Variants in KDM4C observed in about 807,000 individuals in gnomAD.
KDM4C encodes the protein lysine-specific demethylase 4C.
In KDM4C, 81 loss-of-function variants were observed where a neutral mutation model predicts 129.3. The observed-to-expected ratio is 0.63, with a 90% CI of 0.52 to 0.75. KDM4C has a LOEUF of 0.75. Ranked by LOEUF, KDM4C falls within the 30% of genes least tolerant of loss-of-function variation. KDM4C has a pLI of 0.00. For missense variants in KDM4C, 1,457 were observed against 1,304.0 expected, an observed-to-expected ratio of 1.12 and a Z score of -1.81; for synonymous variants, 573 against 456.1, an observed-to-expected ratio of 1.26 and a Z score of -3.26.
At chr9:6,833,362 C>A (rs181601453) in intron 4 of KDM4C, among the ~76,000 whole-genome samples, 19 of 152,022 alleles carry the variant, frequency 1.2e-4, no homozygotes, top group Admixed American at 3.9e-4. Flanking sequence ...AATGTAGTTA[C>A]CAAAGTACTG....
At chr9:6,939,976 ACCTTCCTTCCTTCCTTCCTTCCTT>A (rs1186438155) in intron 8 of KDM4C, among the ~76,000 whole-genome samples, 4 of 93,480 alleles carry the variant, frequency 4.3e-5, no homozygotes, top group African/African-American at 1.2e-4. Context: ...CTACCTACCT[ACCTTCCTTCCTTCCTTCCTTCCTT>A]CCTTCCTTCC....
At chr9:6,773,397 TTA>T (rs1275797548) in intron 1 of KDM4C, among the ~76,000 whole-genome samples, 30 of 152,160 alleles carry the variant, frequency 2.0e-4, no homozygotes, top group Admixed American at 1.5e-3. Context: ...ATGTTATAGT[TTA>T]TGATTATTTA....
At chr9:6,837,579 G>C (rs1038038657) in intron 4 of KDM4C, among the ~76,000 whole-genome samples, 1 of 152,092 alleles carries the variant, frequency 6.6e-6, no homozygotes, top group Non-Finnish European at 1.5e-5. Context: ...ATGTGAATTT[G>C]CACCTCTCTG....
chr9:6,937,069 C>G (rs1360565979), intron 8 of KDM4C, among the ~76,000 whole-genome samples: 1 of 151,980 alleles, frequency 6.6e-6, no homozygotes, highest in Non-Finnish European at 1.5e-5. Context: ...AGAGAAATGA[C>G]AAGAAAGGAA....
rs531579692 is a variant in KDM4C, at chr9:7,122,128, G to A, written c.2611-5938G>A. On this transcript the variant is annotated intron_variant, in intron 18 of 21. Coordinates refer to ENST00000381309, the MANE Select transcript of KDM4C (RefSeq NM_015061.6). ...GACTTATGGTTCTGCAGGCTGTATA[G>A]GAAGCATGGATGGGGAGGCCTCAGA... 3.9e-5 allele frequency among the ~76,000 whole-genome samples: 6 copies of A among 152,144 alleles called. No individual in the cohort carries two copies. The South Asian group carries it at 6.2e-4, about 16-fold the overall frequency.
intron 8 of KDM4C, among the ~76,000 whole-genome samples, chr9:6,908,993 G>A (rs1353362510): frequency 8.5e-5 from 13 of 152,230 alleles, no homozygotes. Context: ...GACTCCCTTT[G>A]TCTCTTATTG....
At chr9:7,132,383 T>A (rs1293317799) in intron 19 of KDM4C, among the ~76,000 whole-genome samples, 1 of 152,228 alleles carries the variant, frequency 6.6e-6, no homozygotes, top group East Asian at 1.9e-4. Flanking sequence ...GAGAGAGCAT[T>A]TGGAGCAGTA....
At chr9:6,759,456 C>T (rs923279006) in intron 1 of KDM4C, among the ~76,000 whole-genome samples, 15 of 152,172 alleles carry the variant, frequency 9.9e-5, no homozygotes, top group African/African-American at 3.6e-4. Context: ...ACCTTGCTGG[C>T]CTCCGCGCAA....
chr9:6,861,978 G>A (rs1187321842), intron 5 of KDM4C, among the ~76,000 whole-genome samples: 1 of 151,924 alleles, frequency 6.6e-6, no homozygotes, highest in Non-Finnish European at 1.5e-5. Context: ...TGCCGCGTTG[G>A]CCAGGCTGGT....
chr9:6,879,680 T>C (rs1032225867), intron 5 of KDM4C, among the ~76,000 whole-genome samples: 11 of 152,194 alleles, frequency 7.2e-5, no homozygotes, highest in African/African-American at 2.7e-4. Context: ...GCTGGGGTGC[T>C]ATGAGAGCTG....
chr9:6,940,648 C>T (rs1427970698), intron 8 of KDM4C, among the ~76,000 whole-genome samples: 4 of 152,082 alleles, frequency 2.6e-5, no homozygotes, highest in Non-Finnish European at 4.4e-5. Flanking sequence ...ACGTAGCCAC[C>T]ATTTAAATAT....
At chr9:7,048,650 C>T (rs1414008545) in intron 16 of KDM4C, among the ~76,000 whole-genome samples, 1 of 151,990 alleles carries the variant, frequency 6.6e-6, no homozygotes, top group Non-Finnish European at 1.5e-5. Flanking sequence ...AACAAGTTTG[C>T]TTCATGACAT....
At chr9:6,997,434 G>C (rs1819970064) in intron 12 of KDM4C, among the ~76,000 whole-genome samples, 1 of 152,188 alleles carries the variant, frequency 6.6e-6, no homozygotes, top group Non-Finnish European at 1.5e-5. Context: ...CTGAAACTTA[G>C]GCTTGGATGG....
chr9:7,094,679 A>G (rs1212867593), intron 17 of KDM4C, among the ~76,000 whole-genome samples: 2 of 152,192 alleles, frequency 1.3e-5, no homozygotes, highest in Non-Finnish European at 2.9e-5. Flanking sequence ...TCTCCCCTGA[A>G]AAGGTGCTTC....
Position 7,166,766 on chromosome 9 carries a change from A to G in KDM4C, c.2901+1409A>G, listed in dbSNP as rs180752461. Among the ~76,000 whole-genome samples, 244 of 152,348 alleles carry G rather than the reference A, an allele frequency of 1.6e-3. 1 individual carries two copies. Among genetic ancestry groups the G allele is most frequent in the Non-Finnish European group, 3.0e-3 (207 of 68,030 alleles). On this transcript the variant is annotated intron_variant, in intron 20 of 21. Transcript: ENST00000381309. ...AATCACATAATGAGAATATGTTGAA[A>G]TTCAGGCTAATTAGTAATCAGTGTG...
At chr9:6,834,531 G>C (rs1433702997) in intron 4 of KDM4C, 4 of 671,104 alleles carry the variant, frequency 6.0e-6, no homozygotes, top group Non-Finnish European at 1.1e-5. Context: ...AGGTGACGAT[G>C]ACCCCCGGCC....
chr9:7,073,104 A>G (rs1345930644), intron 17 of KDM4C, among the ~76,000 whole-genome samples: 1 of 152,188 alleles, frequency 6.6e-6, no homozygotes, highest in African/African-American at 2.4e-5. Context: ...CCCCATGCTC[A>G]GTGTTTACTC....
At chr9:7,163,608 G>C (rs561247109) in intron 19 of KDM4C, among the ~76,000 whole-genome samples, 58 of 152,220 alleles carry the variant, frequency 3.8e-4, no homozygotes, top group African/African-American at 1.3e-3. Context: ...CAGAGCTGAT[G>C]CGACTCTCTA....
chr9:6,808,081 C>T (rs62568048), intron 3 of KDM4C, among the ~76,000 whole-genome samples: 6 of 75,388 alleles, frequency 8.0e-5, no homozygotes, highest in East Asian at 4.3e-4. Flanking sequence ...AGTGAGGAGC[C>T]CCTCTGCCCG....
Sources: allele counts gnomAD v4.1 joint callset (sites outside exome capture counted in the v4.1 genomes callset), GRCh38; gene constraint gnomAD v4.1.1; transcripts MANE v1.5; gene names NCBI Gene and HGNC (gene_info 2026-07-23, HGNC 2026-07-21).